Variants in TECR observed in about 807,000 individuals in gnomAD.
TECR encodes the protein trans-2,3-enoyl-CoA reductase.
A neutral mutation model predicts 50.6 loss-of-function variants in TECR; 19 were observed. The observed-to-expected ratio is 0.38, with a 90% CI of 0.26 to 0.55. The LOEUF is 0.55. Among genes scored for constraint, TECR ranks in the 20% least tolerant of loss-of-function variants. The pLI, the probability that TECR is intolerant of heterozygous loss-of-function variation, is 0.79. For missense variants in TECR, 313 were observed against 408.3 expected (o/e 0.77, Z 2.01); for synonymous variants, 168 against 163.5 (o/e 1.03, Z -0.21).
At chr19:14,538,191 G>A (rs910633379) in intron 1 of TECR, among the ~76,000 whole-genome samples, 3 of 152,186 alleles carry the variant, frequency 2.0e-5, no homozygotes, top group Non-Finnish European at 4.4e-5. Context: ...AGCAGAGCTG[G>A]GATTCTTCTA....
Position 14,564,080 on chromosome 19 carries a change from T to G in TECR, c.366T>G (p.Ser122Arg). 6.2e-7 allele frequency: 1 copy of G among 1,612,690 alleles called. No individual in the cohort carries two copies. The highest frequency in any genetic ancestry group is 1.7e-5 in the Admixed American group (1 of 59,994). The change falls in exon 6 of 13, where the codon AGT becomes AGG. Residue 122 changes from serine (S) to arginine (R), a missense_variant. Ser to Arg is a moderately radical substitution (Grantham distance 110, BLOSUM62 -1). Coordinates refer to ENST00000215567, the MANE Select transcript of TECR (RefSeq NM_138501.6). The part of the protein sequence containing the change: ...IYGHKYDFTS[S>R]RHTVVHLACI... ...GCCACAAATATGACTTTACGTCCAG[T>G]CGGCATACAGTGGTGCAGTAAGTGG...
rs201189282 is a variant in TECR, at chr19:14,563,304, G to A, written c.118+47G>A. ...ACTGCCCCTGCAACCCCTTTGACCA[G>A]GGACCTTAGGGTGGGAGGGATCCCA... On this transcript the variant is annotated intron_variant, in intron 3 of 12. Coordinates refer to ENST00000215567, the MANE Select transcript of TECR (RefSeq NM_138501.6). This position sits in a 1 kb window ranked among gnomAD's most constrained non-coding sequence, Gnocchi z 5.3. 3.6e-4 allele frequency: 550 copies of A among 1,543,132 alleles called. 3 individuals are homozygous for A. The African/African-American group carries it at 6.5e-3, about 18-fold the overall frequency.
chr19:14,550,190 G>A (rs372086167), intron 1 of TECR, among the ~76,000 whole-genome samples: 5 of 152,080 alleles, frequency 3.3e-5, no homozygotes, highest in South Asian at 2.1e-4. Flanking sequence ...GTGAACAAAC[G>A]AGCCTCAGTT....
At chr19:14,533,597 C>T (rs925467086) in intron 1 of TECR, among the ~76,000 whole-genome samples, 2 of 152,114 alleles carry the variant, frequency 1.3e-5, no homozygotes, top group Non-Finnish European at 2.9e-5. Flanking sequence ...GACTGTCACG[C>T]AACAAATTAA....
Position 14,563,366 on chromosome 19 carries a change from C to A in TECR, c.118+109C>A. On this transcript the variant is annotated intron_variant, in intron 3 of 12. Coordinates refer to ENST00000215567, the MANE Select transcript of TECR (RefSeq NM_138501.6). The surrounding 1 kb of genome is among the most constrained non-coding windows in gnomAD (Gnocchi z 5.3). ...TCTCCCAGGGGCCTGCAGAGATGCC[C>A]CAGTGTGGCCCAGGCTTCTGGGGCG... 9.1e-7 allele frequency: 1 copy of A among 1,093,060 alleles called. No individual in the cohort carries two copies. Among genetic ancestry groups the A allele is most frequent in the Non-Finnish European group, 1.4e-6 (1 of 727,380 alleles). The allele number at this position is 1,093,060 out of a possible 1,614,324, so 67.7% of individuals were successfully genotyped here. A position where few individuals can be genotyped will look rare whatever the true frequency, so the allele number is the denominator to read the frequency against.
At chr19:14,558,325 C>T (rs965585775) in intron 1 of TECR, among the ~76,000 whole-genome samples, 5 of 152,194 alleles carry the variant, frequency 3.3e-5, no homozygotes, top group African/African-American at 9.7e-5. Context: ...GTAATATCTT[C>T]ATGACCACAA....
Position 14,563,088 on chromosome 19 carries a change from C to T in TECR, c.67-118C>T. The T allele has an allele frequency of 3.2e-6, 4 of 1,243,222 alleles. No homozygotes were observed. Among genetic ancestry groups the T allele is most frequent in the Non-Finnish European group, 4.6e-6 (4 of 867,370 alleles). 77.0% of individuals were successfully genotyped at this position (1,243,222 alleles called of 1,614,324 possible). A position where few individuals can be genotyped will look rare whatever the true frequency, so the allele number is the denominator to read the frequency against. ...TGCAGGCAGAGGCCTGGACCCCAGC[C>T]CTTCCCCCTTCCCATAGCTACAGCC... is the stretch of plus-strand genomic sequence containing the variant. On this transcript the variant is annotated intron_variant, in intron 2 of 12. Transcript: ENST00000215567. This position sits in a 1 kb window ranked among gnomAD's most constrained non-coding sequence, Gnocchi z 5.3.
chr19:14,564,958 C>G lies in TECR; in HGVS notation c.572C>G (p.Ala191Gly). 1.2e-6 allele frequency: 2 copies of G among 1,614,076 alleles called. No homozygotes were observed. Among genetic ancestry groups the G allele is most frequent in the South Asian group, 2.2e-5 (2 of 91,088 alleles). ...HPLYTPPTYG[A>G]QQVKLALAIF... is the part of the protein sequence containing the mutation. ...CCTGCTTCCTCTTCAGCCTACGGAG[C>G]TCAGCAGGTGAAACTGGCGCTCGCC... Residue 191 changes from alanine to glycine, a missense_variant, in exon 9 of 13, where the codon GCT becomes GGT. Coordinates refer to ENST00000215567, the MANE Select transcript of TECR (RefSeq NM_138501.6).
At chr19:14,548,632 C>T (rs185870773) in intron 1 of TECR, among the ~76,000 whole-genome samples, 19 of 152,160 alleles carry the variant, frequency 1.2e-4, no homozygotes, top group African/African-American at 2.6e-4. Flanking sequence ...GGCTGGAGTG[C>T]GGTGGTGCGA....
rs758229620 is a variant in TECR at position 14,564,955 on chromosome 19, G to A, written c.569G>A (p.Gly190Glu). ...NHPLYTPPTY[G>E]AQQVKLALAI... ...CTCCCTGCTTCCTCTTCAGCCTACG[G>A]AGCTCAGCAGGTGAAACTGGCGCTC... The change falls in exon 9 of 13, where the codon GGA (glycine) becomes GAA (glutamate). Residue 190 changes from glycine to glutamate, a missense_variant. Gly to Glu is a moderately conservative substitution (Grantham distance 98, BLOSUM62 -2). Coordinates refer to ENST00000215567, the MANE Select transcript of TECR (RefSeq NM_138501.6). 4 of 1,614,034 alleles carry A rather than the reference G, an allele frequency of 2.5e-6. No homozygotes were observed. In the South Asian group the frequency reaches 3.3e-5, roughly 13 times the overall value.
chr19:14,559,711 TG>T (rs909184857), intron 1 of TECR, among the ~76,000 whole-genome samples: 2 of 150,966 alleles, frequency 1.3e-5, no homozygotes, highest in African/African-American at 2.4e-5. Context: ...CGTTTGAACC[TG>T]GGGGGCGGAG....
In TECR at chr19:14,565,609, T is replaced by G. The variant is rs1278468655; in HGVS notation, c.754-9T>G. The G allele has an allele frequency of 3.1e-6, 5 of 1,610,424 alleles. No individual in the cohort carries two copies. The highest frequency in any genetic ancestry group is 3.4e-6 in the Non-Finnish European group (4 of 1,179,330). On this transcript the variant is annotated splice_polypyrimidine_tract_variant and intron_variant, in intron 11 of 12. Coordinates refer to ENST00000215567, the MANE Select transcript of TECR (RefSeq NM_138501.6). ...GCTGCCCACGCTCACTCTCCGCCCC[T>G]GCCCACAGGTGGGGTCCTGGATCGG...
chr19:14,558,615 TGTCTGCCC>T (rs1275356842), intron 1 of TECR, among the ~76,000 whole-genome samples: 1 of 152,118 alleles, frequency 6.6e-6, no homozygotes, highest in African/African-American at 2.4e-5. Flanking sequence ...AGTGCCTGCC[TGTCTGCCC>T]GTTCCTGCCC....
At position 14,529,744 on chromosome 19, in the gene TECR, C is replaced by A. The variant is rs762961634; in HGVS notation, c.15+33C>A. Reference sequence around the variant, plus strand: ...GCGAGAAACAGGGGCCGTGTGGCCACTGCTGACCCATTCTTTTTCCTTCTT... The same window carrying A: ...GCGAGAAACAGGGGCCGTGTGGCCAATGCTGACCCATTCTTTTTCCTTCTT... On this transcript the variant is annotated intron_variant, in intron 1 of 12. Coordinates refer to ENST00000215567, the MANE Select transcript of TECR (RefSeq NM_138501.6). 18 of 1,613,836 alleles carry A rather than the reference C, an allele frequency of 1.1e-5. No homozygotes were observed. In the Admixed American group the frequency reaches 3.0e-4, roughly 27 times the overall value.
chr19:14,535,501 CG>C (rs1159157612), intron 1 of TECR, among the ~76,000 whole-genome samples: 40 of 63,102 alleles, frequency 6.3e-4, no homozygotes, highest in African/African-American at 2.8e-3. Context: ...AGCGAGACTC[CG>C]TCTCAAAAAA....
intron 1 of TECR, chr19:14,536,662 C>G (rs946328013): frequency 6.6e-6 from 1 of 152,082 alleles, no homozygotes; most frequent in African/African-American, 2.4e-5. Context: ...ACTCTGTGTT[C>G]AGGGATATCA....
intron 1 of TECR, among the ~76,000 whole-genome samples, chr19:14,533,769 C>T (rs996027044): frequency 6.6e-6 from 1 of 152,164 alleles, no homozygotes; most frequent in Non-Finnish European, 1.5e-5. Flanking sequence ...CTCTCTAGAA[C>T]GGGTCACCTC....
At chr19:14,536,086 G>A (rs890059434) in intron 1 of TECR, among the ~76,000 whole-genome samples, 9 of 152,056 alleles carry the variant, frequency 5.9e-5, no homozygotes, top group Admixed American at 2.6e-4. Flanking sequence ...CTGAGACCCA[G>A]AGAACAAGGC....
intron 1 of TECR, chr19:14,533,946 C>T (rs925048493): frequency 1.3e-5 from 2 of 152,020 alleles, no homozygotes; most frequent in African/African-American, 4.8e-5. Flanking sequence ...AGACTCAAAG[C>T]AATGAGCCCA....
Sources: allele counts gnomAD v4.1 joint callset (sites outside exome capture counted in the v4.1 genomes callset), GRCh38; gene constraint gnomAD v4.1.1; non-coding constraint Gnocchi (gnomAD v3.1); transcripts MANE v1.5; gene names NCBI Gene and HGNC (gene_info 2026-07-23, HGNC 2026-07-21).